The following BLK variants were observed in gnomAD, a reference collection of about 807,000 sequenced individuals.
BLK encodes BLK proto-oncogene, Src family tyrosine kinase, also known as tyrosine-protein kinase Blk.
In BLK, 64 loss-of-function variants were observed where a neutral mutation model predicts 61.8. The ratio of observed to expected loss-of-function variants is 1.03; its 90% CI spans 0.85 to 1.27. The LOEUF (loss-of-function observed/expected upper bound fraction) is 1.27. Ranked by LOEUF, BLK falls within the 50% of genes most tolerant of loss-of-function variation. The pLI is 0.00. For missense variants in BLK, 853 were observed against 660.5 expected, an observed-to-expected ratio of 1.29 and a Z score of -3.19; for synonymous variants, 351 against 272.0, an observed-to-expected ratio of 1.29 and a Z score of -2.86.
At chr8:11,542,365 G>A (rs748380045) in intron 1 of BLK, among the ~76,000 whole-genome samples, 3 of 152,194 alleles carry the variant, frequency 2.0e-5, no homozygotes, top group Non-Finnish European at 2.9e-5. Context: ...TCTGACACGC[G>A]TGGGGACTTG....
At chr8:11,503,830 T>C (rs1175069339) in intron 1 of BLK, among the ~76,000 whole-genome samples, 3 of 152,130 alleles carry the variant, frequency 2.0e-5, no homozygotes, top group African/African-American at 7.2e-5. Context: ...AGGGGCCATC[T>C]TCCACCCTCC....
intron 1 of BLK, among the ~76,000 whole-genome samples, chr8:11,539,875 T>G (rs938334871): frequency 1.3e-5 from 2 of 152,238 alleles, no homozygotes; most frequent in Non-Finnish European, 2.9e-5. Context: ...TTACACATTT[T>G]TCTATTGAAT....
intron 1 of BLK, among the ~76,000 whole-genome samples, chr8:11,513,915 C>T (rs1016685700): frequency 4.6e-5 from 7 of 152,146 alleles, no homozygotes; most frequent in South Asian, 2.1e-4. Context: ...TCCCATCACT[C>T]GGAGAAGCCT....
intron 10 of BLK, chr8:11,559,794 C>A (rs958441112): frequency 2.2e-6 from 1 of 456,194 alleles, no homozygotes; most frequent in Non-Finnish European, 4.4e-6. Context: ...CTGGCAGAAT[C>A]CTTATCATCA....
chr8:11,496,325 G>C (rs1161435406), intron 1 of BLK, among the ~76,000 whole-genome samples: 1 of 152,142 alleles, frequency 6.6e-6, no homozygotes, highest in Non-Finnish European at 1.5e-5. Context: ...CTGCAGCACT[G>C]ACCTCCTGGG....
intron 1 of BLK, among the ~76,000 whole-genome samples, 197 bp from the exon 2 acceptor site, chr8:11,543,027 G>C (rs1016539632): frequency 4.6e-5 from 7 of 151,992 alleles, no homozygotes; most frequent in Non-Finnish European, 8.8e-5. Flanking sequence ...CTGCTGTATG[G>C]GCCCCCGAAA....
chr8:11,501,602 C>T (rs569098854), intron 1 of BLK, among the ~76,000 whole-genome samples: 4 of 152,160 alleles, frequency 2.6e-5, no homozygotes, highest in Non-Finnish European at 5.9e-5. Context: ...ATAAAGGATG[C>T]GTAGCACTTA....
intron 1 of BLK, among the ~76,000 whole-genome samples, chr8:11,541,500 CT>C (rs145013879): frequency 0.28 from 40,056 of 145,582 alleles, 6,963 homozygotes; most frequent in East Asian, 0.72. Flanking sequence ...GTCTCTCTCT[CT>C]TTTTTTTTTT....
In BLK at chr8:11,549,142, C is replaced by G; in HGVS notation, c.368+20C>G. 1 of 1,571,532 alleles carries G rather than the reference C, an allele frequency of 6.4e-7. No homozygotes were observed. The highest frequency in any genetic ancestry group is 8.7e-7 in the Non-Finnish European group (1 of 1,155,702). The stretch of plus-strand genomic sequence containing the variant: ...GGAAAGGTAGGTGGGCACGGGAACC[C>G]CCCTCGAGCCAAGATGCAGTCACTG... On this transcript the variant is annotated intron_variant, in intron 5 of 12. Transcript: ENST00000259089.
intron 1 of BLK, among the ~76,000 whole-genome samples, chr8:11,510,821 A>G (rs1798973348): frequency 6.9e-6 from 1 of 144,378 alleles, no homozygotes; most frequent in South Asian, 2.1e-4. Flanking sequence ...AAATAAATAC[A>G]TAAATAAAGT....
intron 11 of BLK, 113 bp downstream of exon 11, chr8:11,561,565 T>A: frequency 7.5e-7 from 1 of 1,341,184 alleles, no homozygotes; most frequent in South Asian, 1.3e-5. Flanking sequence ...CTGAGGGCTA[T>A]ACGGTTTCTA....
At chr8:11,499,243 T>C (rs1798470801) in intron 1 of BLK, among the ~76,000 whole-genome samples, 1 of 152,214 alleles carries the variant, frequency 6.6e-6, no homozygotes, top group Non-Finnish European at 1.5e-5. Context: ...GCTGTGTAGG[T>C]GTGTAGCCTA....
chr8:11,506,486 G>T (rs979725304), intron 1 of BLK, among the ~76,000 whole-genome samples: 2 of 152,196 alleles, frequency 1.3e-5, no homozygotes, highest in African/African-American at 4.8e-5. Flanking sequence ...GTGGGCTCAG[G>T]TGAATGACTG....
intron 2 of BLK, among the ~76,000 whole-genome samples, chr8:11,545,242 C>T (rs757057986): frequency 1.3e-5 from 2 of 152,032 alleles, no homozygotes; most frequent in Non-Finnish European, 2.9e-5. Context: ...GGGTTAGTTC[C>T]ACGTTTTAAA....
At chr8:11,545,548 CA>C (rs973399289) in intron 2 of BLK, among the ~76,000 whole-genome samples, 4 of 151,244 alleles carry the variant, frequency 2.6e-5, no homozygotes, top group East Asian at 3.9e-4. Flanking sequence ...GACTCCATCT[CA>C]AAAAAAAATT....
At chr8:11,545,287 G>A (rs1800578853) in intron 2 of BLK, among the ~76,000 whole-genome samples, 1 of 152,166 alleles carries the variant, frequency 6.6e-6, no homozygotes, top group Non-Finnish European at 1.5e-5. Context: ...GATGGCTCAC[G>A]CCTGTAATCC....
chr8:11,514,443 G>A (rs555132107), intron 1 of BLK, among the ~76,000 whole-genome samples: 3 of 152,362 alleles, frequency 2.0e-5, no homozygotes, highest in South Asian at 2.1e-4. Context: ...AGGGATCTGA[G>A]GCCCAGCAGG....
At chr8:11,521,401 C>T (rs1050835523) in intron 1 of BLK, among the ~76,000 whole-genome samples, 1 of 152,198 alleles carries the variant, frequency 6.6e-6, no homozygotes. Flanking sequence ...AGCAATCCTC[C>T]CATCTAAGCC....
intron 1 of BLK, among the ~76,000 whole-genome samples, chr8:11,537,135 T>G (rs1397660426): frequency 6.6e-6 from 1 of 152,224 alleles, no homozygotes; most frequent in Non-Finnish European, 1.5e-5. Context: ...TTCAGTGGTG[T>G]TGTCCTGAGT....
Sources: gnomAD v4.1 joint callset for allele counts (sites outside exome capture counted in the v4.1 genomes callset) on GRCh38, gnomAD v4.1.1 for gene constraint, MANE v1.5 for transcripts, NCBI Gene and HGNC (gene_info 2026-07-23, HGNC 2026-07-21) for gene names.